Variants in ILDR1 observed in about 807,000 individuals in gnomAD.
ILDR1 encodes immunoglobulin-like domain-containing receptor 1.
Under a neutral mutation model 62.4 loss-of-function variants are expected in ILDR1, and 56 were observed. That is an observed-to-expected ratio of 0.90 (90% CI 0.72 to 1.12). ILDR1 has a LOEUF of 1.12. ILDR1 is among the 50% of genes most tolerant of loss of function. ILDR1 has a pLI of 0.00. For synonymous variants in ILDR1, 284 were observed against 277.8 expected (o/e 1.02, Z -0.22); for missense variants, 736 against 710.6 (o/e 1.04, Z -0.41).
chr3:122,014,181 TCTTC>T (rs1382820070), intron 1 of ILDR1, among the ~76,000 whole-genome samples: 1 of 152,344 alleles, frequency 6.6e-6, no homozygotes, highest in East Asian at 1.9e-4. Context: ...CAGAAGCTCT[TCTTC>T]CTTTTTGTTT....
At chr3:122,029,038 T>C in the ILDR1 span, among the ~76,000 whole-genome samples, 1 of 152,192 alleles carries the variant, frequency 6.6e-6, no homozygotes, top group African/African-American at 2.4e-5. Flanking sequence ...ACGAGTGAGA[T>C]AATATGCAGC....
At chr3:122,000,771 A>C (rs1482057705) in intron 5 of ILDR1, among the ~76,000 whole-genome samples, 4 of 152,148 alleles carry the variant, frequency 2.6e-5, no homozygotes, top group African/African-American at 9.7e-5. Flanking sequence ...GTCTGGTGCT[A>C]TTTCCAGGTA....
chr3:122,019,874 C>T (rs2071832020), intron 1 of ILDR1, among the ~76,000 whole-genome samples: 1 of 152,174 alleles, frequency 6.6e-6, no homozygotes. Context: ...CAGGGTTTTC[C>T]AAAGTGCATA....
chr3:122,048,534 C>T, the ILDR1 span, among the ~76,000 whole-genome samples: 7 of 152,170 alleles, frequency 4.6e-5, no homozygotes, highest in Non-Finnish European at 7.4e-5. Context: ...ATAGAATTCA[C>T]CAGTGAAGTC....
chr3:121,996,800 A>T (rs569121024), intron 5 of ILDR1, among the ~76,000 whole-genome samples: 12 of 152,328 alleles, frequency 7.9e-5, no homozygotes, highest in African/African-American at 2.9e-4. Flanking sequence ...CTTGGAATTG[A>T]CTGCTGAGGA....
Position 122,005,279 on chromosome 3 carries a change from A to G in ILDR1, c.344T>C (p.Val115Ala), listed in dbSNP as rs1050482590. ...RRGQNEPVLG[V>A]DYRQRKITIQ... ...GGTGATCTTGCGCTGCCGGTAATCT[A>G]CCCCCAGCACGGGCTCATTCTGCCC... The change falls in exon 3 of 8, where the codon GTA becomes GCA. Residue 115 changes from valine to alanine, a missense_variant. Physicochemically the swap from Val to Ala is moderately conservative, Grantham distance 64. Coordinates refer to ENST00000344209, the MANE Select transcript of ILDR1 (RefSeq NM_001199799.2). 5 of 1,605,472 alleles carry G rather than the reference A, an allele frequency of 3.1e-6. No homozygotes were observed. Among genetic ancestry groups the G allele is most frequent in the Non-Finnish European group, 4.2e-6 (5 of 1,178,426 alleles).
chr3:122,047,340 C>T, the ILDR1 span, among the ~76,000 whole-genome samples: 4 of 152,348 alleles, frequency 2.6e-5, no homozygotes, highest in East Asian at 1.9e-4. Flanking sequence ...GAGAGGGACA[C>T]TTAAGTCTGC....
At chr3:122,034,655 T>G in the ILDR1 span, among the ~76,000 whole-genome samples, 5,159 of 152,224 alleles carry the variant, frequency 0.034, 281 homozygotes, top group African/African-American at 0.12. Flanking sequence ...TGTTGTTGTT[T>G]TTTCTATAAG....
chr3:122,035,329 C>T, the ILDR1 span, among the ~76,000 whole-genome samples: 1 of 152,124 alleles, frequency 6.6e-6, no homozygotes, highest in African/African-American at 2.4e-5. Flanking sequence ...GCTTGTAACA[C>T]CAGTGAAGGC....
chr3:122,054,362 T>A, the ILDR1 span, among the ~76,000 whole-genome samples: 1 of 152,210 alleles, frequency 6.6e-6, no homozygotes, highest in East Asian at 1.9e-4. Flanking sequence ...CTTAAATAAT[T>A]TATTTAGGAA....
the ILDR1 span, among the ~76,000 whole-genome samples, chr3:122,046,227 A>C: frequency 2.0e-5 from 3 of 149,758 alleles, no homozygotes; most frequent in Non-Finnish European, 4.5e-5. Flanking sequence ...TCTTTTCTTT[A>C]AGAATGTTGA....
chr3:122,003,926 A>G (rs1442165538), intron 3 of ILDR1, among the ~76,000 whole-genome samples: 2 of 152,234 alleles, frequency 1.3e-5, no homozygotes, highest in African/African-American at 2.4e-5. Context: ...GAAAAGGCAG[A>G]ACCACCTTGG....
At chr3:122,003,122 C>T (rs1294487792) in intron 3 of ILDR1, among the ~76,000 whole-genome samples, 2 of 152,164 alleles carry the variant, frequency 1.3e-5, no homozygotes, top group Non-Finnish European at 2.9e-5. Flanking sequence ...GGGCAGCCTC[C>T]GTGTGAAGTG....
chr3:122,031,447 A>G, the ILDR1 span, among the ~76,000 whole-genome samples: 3 of 152,192 alleles, frequency 2.0e-5, no homozygotes, highest in Admixed American at 6.5e-5. Flanking sequence ...CCACAACTAT[A>G]TGCTTTGAGG....
chr3:122,005,207 C>G (rs766513369), intron 3 of ILDR1, 37 bp downstream of exon 3: 2 of 1,290,044 alleles, frequency 1.6e-6, no homozygotes, highest in East Asian at 2.4e-5. Context: ...GCACCTCCCC[C>G]CACCCCCAGT....
At chr3:122,035,223 C>T in the ILDR1 span, among the ~76,000 whole-genome samples, 1 of 152,080 alleles carries the variant, frequency 6.6e-6, no homozygotes, top group Non-Finnish European at 1.5e-5. Flanking sequence ...CTTGTGGCAA[C>T]CCATTGCCAC....
the ILDR1 span, among the ~76,000 whole-genome samples, chr3:122,032,609 A>ACTTAGTGACTTG: frequency 4.6e-5 from 7 of 152,174 alleles, no homozygotes; most frequent in Non-Finnish European, 1.0e-4. Flanking sequence ...TGTGGGCTGG[A>ACTTAGTGACTTG]CTTAGTGACT....
rs773296079 is a variant in ILDR1 at position 122,022,086 on chromosome 3, C to G, written c.-9G>C. 1.7e-5 allele frequency: 27 copies of G among 1,599,638 alleles called. No individual in the cohort carries two copies. The East Asian group carries it at 5.2e-4, about 31-fold the overall frequency. On this transcript the variant is annotated 5_prime_UTR_variant, in exon 1 of 8. Transcript: ENST00000344209. ...AGTTTGGGCCATGCCATGCCGCCCC[C>G]TTTCTGGCCCTTTTCAGCTCAGGGG...
rs1442824983 is a variant in ILDR1, at chr3:121,988,295, T to TG, written c.*71dup. ...TCAGACTTGCAGTTCCCAAGTCAGC[T>TG]GGAAACCTAGGTGATGCTGATGACA... On this transcript the variant is annotated 3_prime_UTR_variant, in exon 8 of 8. Coordinates refer to ENST00000344209, the MANE Select transcript of ILDR1 (RefSeq NM_001199799.2). 3.1e-6 allele frequency: 4 copies of TG among 1,305,850 alleles called. No homozygotes were observed. The East Asian group carries it at 9.2e-5, about 30-fold the overall frequency. 80.9% of individuals were successfully genotyped at this position (1,305,850 alleles called of 1,614,324 possible).
Sources: gnomAD v4.1 joint callset for allele counts (sites outside exome capture counted in the v4.1 genomes callset) on GRCh38, gnomAD v4.1.1 for gene constraint, MANE v1.5 for transcripts, NCBI Gene and HGNC (gene_info 2026-07-23, HGNC 2026-07-21) for gene names.